Variants in FREM2 observed in about 807,000 individuals in gnomAD.
FREM2 encodes FRAS1 related extracellular matrix 2, also known as FRAS1-related extracellular matrix protein 2.
FREM2 carries 119 observed loss-of-function variants against 219.9 expected under a neutral mutation model. The observed-to-expected ratio is 0.54, with a 90% CI of 0.47 to 0.63. FREM2 has a LOEUF of 0.63. Ranked by LOEUF, FREM2 falls within the 30% of genes least tolerant of loss-of-function variation. FREM2 has a pLI of 0.00. For missense variants in FREM2, 4,030 were observed against 3,993.6 expected (o/e 1.01, Z -0.25); for synonymous variants, 1,562 against 1,522.8 (o/e 1.03, Z -0.60).
chr13:38,705,461 C>G (rs1261535257), intron 2 of FREM2, among the ~76,000 whole-genome samples: 1 of 152,128 alleles, frequency 6.6e-6, no homozygotes, highest in East Asian at 1.9e-4. Flanking sequence ...AGGAAGCCAG[C>G]CTTTTGATCT....
intron 4 of FREM2, among the ~76,000 whole-genome samples, chr13:38,781,509 A>G (rs1874116751): frequency 6.6e-6 from 1 of 152,088 alleles, no homozygotes; most frequent in Non-Finnish European, 1.5e-5. Flanking sequence ...CTCAACTATA[A>G]TAAAAACCCT....
intron 6 of FREM2, among the ~76,000 whole-genome samples, chr13:38,824,989 C>T (rs372741227): frequency 1.3e-5 from 2 of 151,716 alleles, no homozygotes; most frequent in African/African-American, 4.8e-5. Context: ...TGGAGGGGGG[C>T]GGCGGGCTAG....
intron 6 of FREM2, among the ~76,000 whole-genome samples, chr13:38,802,846 G>A (rs112681930): frequency 7.9e-4 from 121 of 152,246 alleles, no homozygotes; most frequent in African/African-American, 2.7e-3. Flanking sequence ...CCTGTAGCTG[G>A]GATTGTGAAA....
intron 23 of FREM2, among the ~76,000 whole-genome samples, chr13:38,879,862 A>G (rs1416946333): frequency 1.3e-5 from 2 of 152,348 alleles, no homozygotes; most frequent in East Asian, 3.9e-4. Context: ...CTTATATGCA[A>G]TAAGCAGCAA....
intron 6 of FREM2, among the ~76,000 whole-genome samples, chr13:38,791,341 T>C (rs984997874): frequency 3.9e-5 from 6 of 152,206 alleles, no homozygotes; most frequent in African/African-American, 1.4e-4. Context: ...TAAAAGTCTC[T>C]CATGTATCTT....
At chr13:38,737,387 G>T (rs561763075) in intron 2 of FREM2, among the ~76,000 whole-genome samples, 1 of 152,202 alleles carries the variant, frequency 6.6e-6, no homozygotes, top group Admixed American at 6.5e-5. Context: ...CCAAAGGAAA[G>T]AACAAAACAA....
chr13:38,779,215 TG>T (rs1006462449), intron 4 of FREM2, among the ~76,000 whole-genome samples: 24 of 146,482 alleles, frequency 1.6e-4, no homozygotes, highest in African/African-American at 5.8e-4. Flanking sequence ...CAACACACAC[TG>T]GGGCTTGTCG....
intron 4 of FREM2, among the ~76,000 whole-genome samples, chr13:38,772,816 C>A (rs1873720115): frequency 6.6e-6 from 1 of 152,000 alleles, no homozygotes; most frequent in Admixed American, 6.5e-5. Flanking sequence ...CCTGTCTCAT[C>A]CTCCTGAGTA....
Position 38,692,123 on chromosome 13 carries a change from C to A in FREM2, c.4779C>A (p.Thr1593=). The change falls in exon 1 of 24, where the codon ACC becomes ACA. Residue 1593 remains threonine (T), a synonymous_variant. Transcript: ENST00000280481. The part of the protein sequence containing the change: ...FNNTRPVMVF[T]KQDLNENLIS... ...ATACCAGACCTGTCATGGTTTTTAC[C>A]AAGCAAGACTTGAATGAAAACTTAA... 2 of 1,614,172 alleles carry A rather than the reference C, an allele frequency of 1.2e-6. No individual in the cohort carries two copies. Among genetic ancestry groups the A allele is most frequent in the Non-Finnish European group, 8.5e-7 (1 of 1,180,028 alleles).
intron 6 of FREM2, among the ~76,000 whole-genome samples, chr13:38,817,632 A>G (rs1462029669): frequency 6.6e-6 from 1 of 152,136 alleles, no homozygotes; most frequent in African/African-American, 2.4e-5. Context: ...GAAACACATC[A>G]GAGCATTGGG....
intron 4 of FREM2, among the ~76,000 whole-genome samples, chr13:38,772,857 C>T (rs891767774): frequency 1.5e-4 from 23 of 151,932 alleles, no homozygotes; most frequent in African/African-American, 3.6e-4. Context: ...CCACCACGCC[C>T]GGCTAATTTT....
At position 38,688,369 on chromosome 13, in the gene FREM2, T is replaced by C; in HGVS notation, c.1025T>C (p.Met342Thr). ...QFVLTALTPD[M>T]LAAEDAESPS... The stretch of plus-strand genomic sequence containing the variant: ...GTACTGACGGCCCTGACCCCAGACA[T>C]GCTGGCAGCCGAGGATGCTGAGTCT... Residue 342 changes from methionine (M) to threonine (T), a missense_variant, in exon 1 of 24, where the codon ATG becomes ACG. Met to Thr is a moderately conservative substitution (Grantham distance 81). Transcript: ENST00000280481. 2 of 1,614,150 alleles carry C rather than the reference T, an allele frequency of 1.2e-6. No homozygotes were observed. The highest frequency in any genetic ancestry group is 1.7e-6 in the Non-Finnish European group (2 of 1,179,996).
At chr13:38,769,015 A>G (rs1313495023) in intron 3 of FREM2, among the ~76,000 whole-genome samples, 2 of 152,220 alleles carry the variant, frequency 1.3e-5, no homozygotes, top group Non-Finnish European at 2.9e-5. Flanking sequence ...TGCAGTGACC[A>G]TGTTGAAAAA....
chr13:38,818,613 T>C (rs556187517), intron 6 of FREM2, among the ~76,000 whole-genome samples: 1 of 152,164 alleles, frequency 6.6e-6, no homozygotes, highest in East Asian at 1.9e-4. Flanking sequence ...AGGAATAAAT[T>C]CCAGTGTTCT....
chr13:38,803,186 C>G (rs1237340217), intron 6 of FREM2, among the ~76,000 whole-genome samples: 1 of 152,112 alleles, frequency 6.6e-6, no homozygotes, highest in African/African-American at 2.4e-5. Flanking sequence ...AATTTGTTCT[C>G]TAAAGCTATA....
chr13:38,842,698 G>A (rs2137901943), intron 6 of FREM2, among the ~76,000 whole-genome samples: 1 of 152,230 alleles, frequency 6.6e-6, no homozygotes, highest in East Asian at 1.9e-4. Flanking sequence ...ATTACTACTG[G>A]CACCTCTTCC....
chr13:38,710,968 A>T (rs1302450826), intron 2 of FREM2, among the ~76,000 whole-genome samples: 1 of 152,210 alleles, frequency 6.6e-6, no homozygotes, highest in Non-Finnish European at 1.5e-5. Context: ...TATAAATGAA[A>T]TTGCTGTCCT....
intron 15 of FREM2, among the ~76,000 whole-genome samples, chr13:38,863,485 T>C (rs755697380): frequency 6.6e-6 from 1 of 152,210 alleles, no homozygotes; most frequent in Non-Finnish European, 1.5e-5. Context: ...TATTCACTTA[T>C]TTAAAAATTA....
chr13:38,782,214 G>A (rs1475270428), intron 4 of FREM2, among the ~76,000 whole-genome samples: 1 of 152,174 alleles, frequency 6.6e-6, no homozygotes, highest in African/African-American at 2.4e-5. Flanking sequence ...TTTTCTGTGT[G>A]GGTGTGAGAC....
Sources: gnomAD v4.1 joint callset for allele counts (sites outside exome capture counted in the v4.1 genomes callset) on GRCh38, gnomAD v4.1.1 for gene constraint, MANE v1.5 for transcripts, NCBI Gene and HGNC (gene_info 2026-07-23, HGNC 2026-07-21) for gene names.